PIK3R4: variants seen among roughly 807,000 people sequenced by gnomAD.
PIK3R4 encodes the protein phosphoinositide 3-kinase regulatory subunit 4.
A neutral mutation model predicts 136.5 loss-of-function variants in PIK3R4; 46 were observed. The observed-to-expected ratio is 0.34, with a 90% CI of 0.27 to 0.43. The LOEUF is 0.43. PIK3R4 is among the 20% of genes least tolerant of loss of function. The probability of loss-of-function intolerance (pLI) is 1.00; values close to 1 mark genes in which losing one functional copy is unlikely to be tolerated. For missense variants in PIK3R4, 1,331 were observed against 1,649.5 expected (o/e 0.81, Z 3.35); for synonymous variants, 557 against 566.7 (o/e 0.98, Z 0.24).
At chr3:130,717,204 C>T (rs1320671003) in intron 8 of PIK3R4, among the ~76,000 whole-genome samples, 1 of 151,258 alleles carries the variant, frequency 6.6e-6, no homozygotes, top group Non-Finnish European at 1.5e-5. Flanking sequence ...ACCAAGAGGA[C>T]TTCCTTTAGA....
At chr3:130,738,048 T>C (rs1026931473) in intron 2 of PIK3R4, among the ~76,000 whole-genome samples, 1 of 152,226 alleles carries the variant, frequency 6.6e-6, no homozygotes, top group African/African-American at 2.4e-5. Context: ...CTCTATTCAT[T>C]GAAAAATCTC....
intron 9 of PIK3R4, among the ~76,000 whole-genome samples, chr3:130,714,945 T>C (rs2066654064): frequency 6.6e-6 from 1 of 152,138 alleles, no homozygotes; most frequent in Non-Finnish European, 1.5e-5. Context: ...TGATTTATAT[T>C]CCTTTGGGTA....
chr3:130,740,845 A>C (rs190652896), intron 2 of PIK3R4, among the ~76,000 whole-genome samples: 21 of 152,346 alleles, frequency 1.4e-4, no homozygotes, highest in Admixed American at 9.2e-4. Flanking sequence ...CGTGAGGAAG[A>C]AGAAAACGAT....
intron 15 of PIK3R4, among the ~76,000 whole-genome samples, 177 bp from the exon 16 acceptor site, chr3:130,684,558 T>C (rs550223403): frequency 2.0e-5 from 3 of 152,352 alleles, no homozygotes; most frequent in African/African-American, 7.2e-5. Context: ...CAATACCCCT[T>C]TGGTTGATAA....
chr3:130,730,572 G>C, intron 4 of PIK3R4, 130 bp from the exon 5 acceptor site: 3 of 563,502 alleles, frequency 5.3e-6, no homozygotes, highest in Non-Finnish European at 8.5e-6. Context: ...TTTCAATTTA[G>C]CATTTAACTT....
At chr3:130,686,100 A>G in intron 15 of PIK3R4, 111 bp downstream of exon 15, 1 of 668,898 alleles carries the variant, frequency 1.5e-6, no homozygotes, top group Non-Finnish European at 2.6e-6. Flanking sequence ...AAAAAAAAAA[A>G]GACGGGAAAA....
intron 6 of PIK3R4, among the ~76,000 whole-genome samples, chr3:130,725,169 A>G (rs2066724297): frequency 6.6e-6 from 1 of 151,936 alleles, no homozygotes; most frequent in Non-Finnish European, 1.5e-5. Flanking sequence ...TATTTTGAAA[A>G]TGAATGACAT....
rs1227891370 is a variant in PIK3R4 at position 130,727,241 on chromosome 3, G to A, written c.1807+1222C>T. 6.1e-5 allele frequency among the ~76,000 whole-genome samples: 9 copies of A among 147,052 alleles called. No individual in the cohort carries two copies. In the South Asian group the frequency reaches 1.9e-3, roughly 31 times the overall value. ...CTTAAAGTCTTTTTTTTTTTTTTGA[G>A]ACGGAGTCTCGCTCTTTCACCCAGG... On this transcript the variant is annotated intron_variant, in intron 6 of 19. Transcript: ENST00000356763.
At chr3:130,729,180 G>A (rs1395863306) in intron 5 of PIK3R4, among the ~76,000 whole-genome samples, 1 of 152,092 alleles carries the variant, frequency 6.6e-6, no homozygotes, top group African/African-American at 2.4e-5. Flanking sequence ...TGTCTTCTCT[G>A]GTCTTACCTC....
chr3:130,746,190 ATG>A (rs1456360023), intron 1 of PIK3R4, 126 bp downstream of exon 1: 1 of 152,204 alleles, frequency 6.6e-6, no homozygotes, highest in African/African-American at 2.4e-5. Flanking sequence ...CTTGCCACAG[ATG>A]TTAAAGAAAA....
At chr3:130,692,713 G>T (rs913782982) in intron 13 of PIK3R4, among the ~76,000 whole-genome samples, 12 of 152,068 alleles carry the variant, frequency 7.9e-5, no homozygotes, top group Non-Finnish European at 1.6e-4. Context: ...TGCCCACAGG[G>T]GCCCCACAGG....
intron 6 of PIK3R4, 58 bp downstream of exon 6, chr3:130,728,405 G>T: frequency 2.0e-6 from 2 of 1,016,438 alleles, no homozygotes; most frequent in Non-Finnish European, 2.9e-6. Context: ...CAGATTGCAT[G>T]GAAGTATTTG....
intron 13 of PIK3R4, among the ~76,000 whole-genome samples, chr3:130,692,092 G>A (rs1032974537): frequency 1.3e-5 from 2 of 151,780 alleles, no homozygotes; most frequent in African/African-American, 4.8e-5. Context: ...AGCCAGAATG[G>A]TCTCGATCTC....
rs539554065 is a variant in PIK3R4 at position 130,681,123 on chromosome 3, A to C, written c.3709-58T>G. On this transcript the variant is annotated intron_variant, in intron 17 of 19. Coordinates refer to ENST00000356763, the MANE Select transcript of PIK3R4 (RefSeq NM_014602.3). ...GACATCCGTGTATTCCATAAATGAT[A>C]GTGCTATTTCTAGAGGCAAGTTAAC... 8.8e-4 allele frequency: 854 copies of C among 966,804 alleles called. 9 individuals carry two copies. The South Asian group carries it at 9.9e-3, about 11-fold the overall frequency. The allele number at this position is 966,804 out of a possible 1,614,324, so 59.9% of individuals were successfully genotyped here.
intron 6 of PIK3R4, among the ~76,000 whole-genome samples, chr3:130,725,729 T>C (rs975271440): frequency 5.9e-5 from 9 of 151,874 alleles, no homozygotes; most frequent in African/African-American, 2.2e-4. Flanking sequence ...AATATGTATA[T>C]AAAGGCTCGA....
intron 13 of PIK3R4, 47 bp downstream of exon 13, chr3:130,703,676 T>C: frequency 7.1e-7 from 1 of 1,401,636 alleles, no homozygotes; most frequent in Non-Finnish European, 1.0e-6. Context: ...CAATAAACAT[T>C]TGTTGATTTG....
In PIK3R4 at chr3:130,744,938, G is replaced by A. The variant is rs754181683; in HGVS notation, c.281C>T (p.Ala94Val). The A allele has an allele frequency of 1.2e-5, 19 of 1,614,176 alleles. No homozygotes were observed. Among genetic ancestry groups the A allele is most frequent in the Non-Finnish European group, 1.6e-5 (19 of 1,180,016 alleles). Reference sequence around the variant, plus strand: ...AAAGAGCATAGCTGCTTTCTCAGATGCTTTTTCTGATGCTTTCTGGAAAGG... The same window carrying A: ...AAAGAGCATAGCTGCTTTCTCAGATACTTTTTCTGATGCTTTCTGGAAAGG... ...CLPFQKASEK[A>V]SEKAAMLFRQ... The change falls in exon 2 of 20, where the codon GCA (alanine) becomes GTA (valine). Residue 94 changes from alanine to valine, a missense_variant. Ala to Val is a moderately conservative substitution (Grantham distance 64, BLOSUM62 0). Coordinates refer to ENST00000356763, the MANE Select transcript of PIK3R4 (RefSeq NM_014602.3).
At chr3:130,727,051 C>A (rs1260780229) in intron 6 of PIK3R4, among the ~76,000 whole-genome samples, 3 of 151,974 alleles carry the variant, frequency 2.0e-5, no homozygotes, top group African/African-American at 7.3e-5. Context: ...CAAAAATAAC[C>A]GGGAATTTGA....
In PIK3R4 at chr3:130,744,893, T is replaced by C. The variant is rs768086579; in HGVS notation, c.326A>G (p.Asn109Ser). The change falls in exon 2 of 20, where the codon AAT becomes AGT. Residue 109 changes from asparagine (N) to serine (S), a missense_variant. Transcript: ENST00000356763. ...AMLFRQYVRD[N>S]LYDRISTRPF... Reference sequence around the variant, plus strand: ...ACGGGTACTGATGCGATCATAGAGATTGTCTCGCACATACTGCCTAAAGAG... The same window carrying C: ...ACGGGTACTGATGCGATCATAGAGACTGTCTCGCACATACTGCCTAAAGAG... 2 of 1,614,114 alleles carry C rather than the reference T, an allele frequency of 1.2e-6. No individual in the cohort carries two copies. The highest frequency in any genetic ancestry group is 3.3e-5 in the Admixed American group (2 of 60,014).
Sources: gnomAD v4.1 joint callset for allele counts (sites outside exome capture counted in the v4.1 genomes callset) on GRCh38, gnomAD v4.1.1 for gene constraint, MANE v1.5 for transcripts, NCBI Gene and HGNC (gene_info 2026-07-23, HGNC 2026-07-21) for gene names.